The following NPRL3 variants were observed in gnomAD, a reference collection of about 807,000 sequenced individuals.
NPRL3 encodes NPR3 like, GATOR1 complex subunit.
In NPRL3, 23 loss-of-function variants were observed where a neutral mutation model predicts 57.2. That is an observed-to-expected ratio of 0.40 (90% CI 0.29 to 0.57). The LOEUF (loss-of-function observed/expected upper bound fraction) is 0.57. Among genes scored for constraint, NPRL3 ranks in the 20% least tolerant of loss-of-function variants. The probability of loss-of-function intolerance (pLI) is 0.42; values close to 1 mark genes in which losing one functional copy is unlikely to be tolerated. For synonymous variants in NPRL3, 333 were observed against 321.1 expected (o/e 1.04, Z -0.39); for missense variants, 691 against 767.1 (o/e 0.90, Z 1.17).
At chr16:127,994 C>CTTCT (rs144300847) in intron 3 of NPRL3, among the ~76,000 whole-genome samples, 52,305 of 133,070 alleles carry the variant, frequency 0.39, 10,253 homozygotes, top group South Asian at 0.57. Context: ...CCATCTTCTT[C>CTTCT]TTTTTTTTTT....
chr16:116,799 C>G (rs74407531), intron 5 of NPRL3, among the ~76,000 whole-genome samples: 1 of 145,214 alleles, frequency 6.9e-6, no homozygotes, highest in Non-Finnish European at 1.5e-5. Context: ...CCCCCCCCCC[C>G]ACCGATCTCT....
At position 124,261 on chromosome 16, in the gene NPRL3, T is replaced by C. The variant is rs1900415995; in HGVS notation, c.189-5006A>G. On this transcript the variant is annotated intron_variant, in intron 3 of 13. Transcript: ENST00000611875. Reference sequence around the variant, plus strand: ...AGGAACAAAAGTCATTTTTCAGAAGTAAGCACAAGGCTGGCAGAGCTGGGT... The same window carrying C: ...AGGAACAAAAGTCATTTTTCAGAAGCAAGCACAAGGCTGGCAGAGCTGGGT... Among the ~76,000 whole-genome samples, 3 of 152,108 alleles carry C rather than the reference T, an allele frequency of 2.0e-5. No individual in the cohort carries two copies. In the South Asian group the frequency reaches 6.2e-4, roughly 32 times the overall value.
chr16:131,378 G>A lies in NPRL3; in HGVS notation c.119-787C>T, dbSNP rs192380364. Among the ~76,000 whole-genome samples the A allele has an allele frequency of 8.6e-3, 1,117 of 130,024 alleles. 41 individuals carry two copies. Among genetic ancestry groups the A allele is most frequent in the Middle Eastern group, 0.039 (10 of 256 alleles). The allele number at this position is 130,024 out of a possible 152,430, so 85.3% of individuals were successfully genotyped here. A position where few individuals can be genotyped will look rare whatever the true frequency, so the allele number is the denominator to read the frequency against. On this transcript the variant is annotated intron_variant, in intron 2 of 13. Transcript: ENST00000611875. ...CCTGTAGTCCCAGCTACTCTGGAGG[G>A]TGAGGCAAGAGAATGGTGTGAACCC... is the stretch of plus-strand genomic sequence containing the variant.
chr16:97,098 G>A (rs1419596773), intron 9 of NPRL3, among the ~76,000 whole-genome samples: 1 of 152,234 alleles, frequency 6.6e-6, no homozygotes, highest in African/African-American at 2.4e-5. Context: ...ACCGCCACCA[G>A]ACGAGGGCGC....
rs7206462 is a variant in NPRL3 at position 122,612 on chromosome 16, T to A, written c.189-3357A>T. Reference sequence around the variant, plus strand: ...ATGTACTGCAGCACAATAAAACATCTGTTACAAAAACTGAAGATTCCTGGA... The same window carrying A: ...ATGTACTGCAGCACAATAAAACATCAGTTACAAAAACTGAAGATTCCTGGA... On this transcript the variant is annotated intron_variant, in intron 3 of 13. Transcript: ENST00000611875. Among the ~76,000 whole-genome samples the A allele has an allele frequency of 4.7e-3, 719 of 152,342 alleles. 5 individuals carry two copies. Among genetic ancestry groups the A allele is most frequent in the African/African-American group, 0.017 (693 of 41,574 alleles).
intron 3 of NPRL3, chr16:123,622 A>G (rs1013802775): frequency 2.2e-5 from 10 of 461,538 alleles, no homozygotes; most frequent in African/African-American, 4.0e-5. Context: ...TTACAAGGCT[A>G]TTTTATAAAA....
At position 123,054 on chromosome 16, in the gene NPRL3, A is replaced by G. The variant is rs563628438; in HGVS notation, c.189-3799T>C. On this transcript the variant is annotated intron_variant, in intron 3 of 13. Coordinates refer to ENST00000611875, the MANE Select transcript of NPRL3 (RefSeq NM_001077350.3). The stretch of plus-strand genomic sequence containing the variant: ...AATAGCATCTAGGCCTGAGCATCAC[A>G]CTTAATGCCCAACCCTTGGGAGAGG... Among the ~76,000 whole-genome samples, 4 of 152,302 alleles carry G rather than the reference A, an allele frequency of 2.6e-5. No homozygotes were observed. The East Asian group carries it at 7.7e-4, about 29-fold the overall frequency.
intron 3 of NPRL3, among the ~76,000 whole-genome samples, chr16:129,052 C>G (rs1350497339): frequency 6.6e-6 from 1 of 152,178 alleles, no homozygotes; most frequent in East Asian, 1.9e-4. Context: ...ACAGTTTTAC[C>G]TCTTCATTAC....
intron 9 of NPRL3, among the ~76,000 whole-genome samples, chr16:97,685 GCA>G (rs2141919139): frequency 6.6e-6 from 1 of 152,208 alleles, no homozygotes; most frequent in South Asian, 2.1e-4. Context: ...CAACACATGT[GCA>G]CACACAGGGG....
rs1899228613 is a variant in NPRL3 at position 100,417 on chromosome 16, C to G, written c.722G>C (p.Ser241Thr). ...LPHKIHYAAS[S>T]LIPPEAIERS... ...TTCGATGGCCTCTGGGGGGATCAGA[C>G]TGGAGGCCGCATAGTGGATCTTGTG... Residue 241 changes from serine to threonine, a missense_variant, in exon 8 of 14, where the codon AGT becomes ACT. Transcript: ENST00000611875. 3 of 1,603,648 alleles carry G rather than the reference C, an allele frequency of 1.9e-6. No homozygotes were observed. The highest frequency in any genetic ancestry group is 1.7e-4 in the Middle Eastern group (1 of 6,056).
intron 3 of NPRL3, among the ~76,000 whole-genome samples, chr16:130,127 C>G (rs997145788): frequency 6.6e-6 from 1 of 152,182 alleles, no homozygotes; most frequent in Non-Finnish European, 1.5e-5. Flanking sequence ...CAAGAAGGGA[C>G]TTGACCAGGC....
intron 8 of NPRL3, 109 bp downstream of exon 8, chr16:100,262 TG>T: frequency 8.5e-7 from 1 of 1,179,090 alleles, no homozygotes. Flanking sequence ...GCTTCCGCAG[TG>T]GGAAGAAGAA....
intron 12 of NPRL3, chr16:89,441 G>A (rs1031583871): frequency 9.1e-6 from 4 of 438,182 alleles, no homozygotes; most frequent in Non-Finnish European, 1.2e-5. Flanking sequence ...CCAGGCTGGG[G>A]CAGAGATTCC....
chr16:117,297 T>C lies in NPRL3; in HGVS notation c.393+4A>G. 6.3e-7 allele frequency: 1 copy of C among 1,599,956 alleles called. No homozygotes were observed. The highest frequency in any genetic ancestry group is 8.6e-7 in the Non-Finnish European group (1 of 1,167,940). ...TGATCTTAACCATTTATATAAACAC[T>C]CACCCTCAGTGCAAACACCACATTA... On this transcript the variant is annotated splice_donor_region_variant and intron_variant, in intron 5 of 13. Coordinates refer to ENST00000611875, the MANE Select transcript of NPRL3 (RefSeq NM_001077350.3).
intron 6 of NPRL3, among the ~76,000 whole-genome samples, chr16:112,241 G>A (rs74614704): frequency 0.034 from 5,212 of 152,288 alleles, 117 homozygotes; most frequent in Non-Finnish European, 0.05. Flanking sequence ...ATTTCTGGTC[G>A]GGAAATCTAT....
rs1346965930 is a variant in NPRL3 at position 134,694 on chromosome 16, A to ATTATTATTATTATTATTTT, written c.118+3455_118+3456insAAAATAATAATAATAATAA. On this transcript the variant is annotated intron_variant, in intron 2 of 13. Coordinates refer to ENST00000611875, the MANE Select transcript of NPRL3 (RefSeq NM_001077350.3). ...ACATAAAGTCACAGTAATTATTATT[A>ATTATTATTATTATTATTTT]TTTTTTTTTTTTTTTTTTTTTTTTT... Among the ~76,000 whole-genome samples the ATTATTATTATTATTATTTT allele has an allele frequency of 8.9e-4, 92 of 103,386 alleles. 1 individual carries two copies. Among genetic ancestry groups the ATTATTATTATTATTATTTT allele is most frequent in the African/African-American group, 2.9e-3 (87 of 29,570 alleles). 67.8% of individuals were successfully genotyped at this position (103,386 alleles called of 152,430 possible). A position where few individuals can be genotyped will look rare whatever the true frequency, so the allele number is the denominator to read the frequency against.
intron 2 of NPRL3, among the ~76,000 whole-genome samples, chr16:131,808 T>C (rs953115718): frequency 6.6e-6 from 1 of 152,068 alleles, no homozygotes; most frequent in East Asian, 1.9e-4. Context: ...TCATGAAAGA[T>C]TTCTCTGTCG....
At chr16:107,888 C>T (rs1899607044) in intron 7 of NPRL3, among the ~76,000 whole-genome samples, 1 of 152,216 alleles carries the variant, frequency 6.6e-6, no homozygotes, top group South Asian at 2.1e-4. Flanking sequence ...CGAGTTGAGG[C>T]ATACACTCAG....
rs112188139 is a variant in NPRL3 at position 127,994 on chromosome 16, C to CTTTT, written c.188+2524_188+2527dup. Among the ~76,000 whole-genome samples the CTTTT allele has an allele frequency of 4.5e-3, 601 of 133,320 alleles. 3 individuals carry two copies. The highest frequency in any genetic ancestry group is 6.3e-3 in the Non-Finnish European group (397 of 62,962). The allele number at this position is 133,320 out of a possible 152,430, so 87.5% of individuals were successfully genotyped here. A position where few individuals can be genotyped will look rare whatever the true frequency, so the allele number is the denominator to read the frequency against. On this transcript the variant is annotated intron_variant, in intron 3 of 13. Transcript: ENST00000611875. ...TATTTCAGTTAATTTCCATCTTCTT[C>CTTTT]TTTTTTTTTTTTTTTGAGACAGACT... is the stretch of plus-strand genomic sequence containing the variant.
Sources: allele counts gnomAD v4.1 joint callset (sites outside exome capture counted in the v4.1 genomes callset), GRCh38; gene constraint gnomAD v4.1.1; transcripts MANE v1.5; gene names NCBI Gene and HGNC (gene_info 2026-07-23, HGNC 2026-07-21).